DPP6: variants seen among roughly 807,000 people sequenced by gnomAD.
DPP6 encodes dipeptidyl peptidase like 6, also known as A-type potassium channel modulatory protein DPP6.
A neutral mutation model predicts 122.6 loss-of-function variants in DPP6; 69 were observed. The observed-to-expected ratio is 0.56, with a 90% CI of 0.46 to 0.69. DPP6 has a LOEUF of 0.69. Ranked by LOEUF, DPP6 falls within the 30% of genes least tolerant of loss-of-function variation. The pLI is 0.00. For missense variants in DPP6, 928 were observed against 1,116.9 expected (o/e 0.83, Z 2.41); for synonymous variants, 418 against 433.1 (o/e 0.97, Z 0.43).
At chr7:154,107,782 G>A (rs1361975889) in intron 1 of DPP6, among the ~76,000 whole-genome samples, 3 of 152,058 alleles carry the variant, frequency 2.0e-5, no homozygotes, top group East Asian at 1.9e-4. Flanking sequence ...GCCTTGCCTG[G>A]GGCCCAGAAG....
Position 154,794,170 on chromosome 7 carries a change from C to T in DPP6, c.1228C>T (p.Leu410Phe). The T allele has an allele frequency of 6.2e-7, 1 of 1,611,882 alleles. No individual in the cohort carries two copies. The highest frequency in any genetic ancestry group is 8.5e-7 in the Non-Finnish European group (1 of 1,179,000). ...NRAQNVSILT[L>F]CDATTGVCTK... ...GGCGCAGAACGTGTCCATCCTCACC[C>T]TCTGCGACGCCACCACGGGGGTCTG... is the stretch of plus-strand genomic sequence containing the variant. Residue 410 changes from leucine (L) to phenylalanine (F), a missense_variant, in exon 11 of 26, where the codon CTC (leucine) becomes TTC (phenylalanine). By Grantham distance (22) the Leu-to-Phe change is conservative. Coordinates refer to ENST00000377770, the MANE Select transcript of DPP6 (RefSeq NM_130797.4).
intron 1 of DPP6, among the ~76,000 whole-genome samples, chr7:154,376,920 G>A (rs568663599): frequency 1.3e-5 from 2 of 152,274 alleles, no homozygotes; most frequent in African/African-American, 2.4e-5. Flanking sequence ...TTTGGCTCTT[G>A]GAGAAAGTCA....
chr7:154,114,361 T>C (rs1806824671), intron 1 of DPP6, among the ~76,000 whole-genome samples: 1 of 152,114 alleles, frequency 6.6e-6, no homozygotes. Flanking sequence ...AAAAGGGGAA[T>C]AGCAGTGTCT....
rs1244631412 is a variant in DPP6, at chr7:154,604,262, G to A, written c.628-33559G>A. ...GCCATGTATGCACGATCCTTTTCTC[G>A]TCTTTCTCTTCTGTTCTATTTATCT... On this transcript the variant is annotated intron_variant, in intron 5 of 25. Transcript: ENST00000377770. Among the ~76,000 whole-genome samples, 5 of 118,984 alleles carry A rather than the reference G, an allele frequency of 4.2e-5. 2 individuals are homozygous for A. Among genetic ancestry groups the A allele is most frequent in the Admixed American group, 1.9e-4 (2 of 10,520 alleles). 78.1% of individuals were successfully genotyped at this position (118,984 alleles called of 152,430 possible).
intron 12 of DPP6, among the ~76,000 whole-genome samples, chr7:154,799,014 C>T (rs964924028): frequency 1.1e-4 from 17 of 152,208 alleles, no homozygotes; most frequent in African/African-American, 4.1e-4. Flanking sequence ...AGGCCACATG[C>T]CCTCTACCCA....
intron 1 of DPP6, among the ~76,000 whole-genome samples, chr7:153,986,267 T>C (rs1796845156): frequency 6.6e-6 from 1 of 152,208 alleles, no homozygotes; most frequent in African/African-American, 2.4e-5. Context: ...CATGCCATCA[T>C]GTCTTCCTTG....
intron 1 of DPP6, among the ~76,000 whole-genome samples, chr7:154,011,392 A>G (rs1476368836): frequency 2.6e-5 from 4 of 152,148 alleles, no homozygotes; most frequent in Admixed American, 2.0e-4. Context: ...TTGCACTAAC[A>G]CTCTGAGTGA....
intron 1 of DPP6, among the ~76,000 whole-genome samples, chr7:154,062,084 G>T (rs1305508111): frequency 2.8e-5 from 3 of 108,362 alleles, no homozygotes; most frequent in Non-Finnish European, 4.0e-5. Flanking sequence ...TGGCTCTTAG[G>T]ACCCCCATCG....
chr7:154,646,027 CAAAAAA>C (rs71184020), intron 6 of DPP6, among the ~76,000 whole-genome samples: 1 of 57,946 alleles, frequency 1.7e-5, no homozygotes, highest in East Asian at 6.1e-4. Flanking sequence ...GACTCCGTCT[CAAAAAA>C]AAAAAAAAAA....
chr7:154,653,376 G>T (rs1837006884), intron 6 of DPP6, among the ~76,000 whole-genome samples: 1 of 152,154 alleles, frequency 6.6e-6, no homozygotes, highest in East Asian at 1.9e-4. Context: ...TTGACAGATT[G>T]ATTGATAAAT....
chr7:154,571,138 G>C lies in DPP6; in HGVS notation c.627+4222G>C, dbSNP rs369930788. Among the ~76,000 whole-genome samples, 559 of 152,214 alleles carry C rather than the reference G, an allele frequency of 3.7e-3. 7 individuals carry two copies. The highest frequency in any genetic ancestry group is 0.013 in the African/African-American group (531 of 41,536). On this transcript the variant is annotated intron_variant, in intron 5 of 25. Coordinates refer to ENST00000377770, the MANE Select transcript of DPP6 (RefSeq NM_130797.4). ...TCTCTTGAAATTAAGTTAGACATTGGAGAAATAGCAATTTTTTATTTTTAA... is the reference window on the plus strand; with the variant it reads ...TCTCTTGAAATTAAGTTAGACATTGCAGAAATAGCAATTTTTTATTTTTAA...
At chr7:154,799,231 T>C (rs1285374552) in intron 12 of DPP6, among the ~76,000 whole-genome samples, 2 of 152,092 alleles carry the variant, frequency 1.3e-5, no homozygotes, top group Non-Finnish European at 2.9e-5. Context: ...CCTCCTCTCT[T>C]CTCTTCCCAA....
At chr7:154,306,577 A>G (rs1489188839) in intron 1 of DPP6, among the ~76,000 whole-genome samples, 1 of 152,210 alleles carries the variant, frequency 6.6e-6, no homozygotes, top group Non-Finnish European at 1.5e-5. Flanking sequence ...CTCCTTGAGG[A>G]CACTGTGTGA....
intron 6 of DPP6, among the ~76,000 whole-genome samples, chr7:154,657,737 A>C (rs1431904432): frequency 6.6e-6 from 1 of 151,602 alleles, no homozygotes; most frequent in African/African-American, 2.4e-5. Context: ...ACGTGGGAGG[A>C]GGTGCCCAGA....
At chr7:153,858,880 G>A in the DPP6 span, among the ~76,000 whole-genome samples, 3 of 152,290 alleles carry the variant, frequency 2.0e-5, no homozygotes, top group African/African-American at 7.2e-5. Context: ...GCAGCATCAC[G>A]CTGTCTTGTG....
the DPP6 span, among the ~76,000 whole-genome samples, chr7:153,810,634 C>A: frequency 2.6e-5 from 4 of 151,042 alleles, no homozygotes; most frequent in South Asian, 8.4e-4. Context: ...TGTTTTCTCT[C>A]CTAAATAATC....
intron 7 of DPP6, among the ~76,000 whole-genome samples, chr7:154,696,749 T>C (rs931316117): frequency 1.3e-5 from 2 of 152,222 alleles, no homozygotes; most frequent in African/African-American, 2.4e-5. Flanking sequence ...ACTCATACTA[T>C]GCGTGATGCC....
At chr7:154,409,075 G>A (rs1341772412) in intron 1 of DPP6, among the ~76,000 whole-genome samples, 1 of 152,098 alleles carries the variant, frequency 6.6e-6, no homozygotes, top group Admixed American at 6.5e-5. Context: ...GCCTGGGAGG[G>A]GGAGGTTGTG....
At chr7:154,401,810 A>G (rs1480710439) in intron 1 of DPP6, among the ~76,000 whole-genome samples, 1 of 152,230 alleles carries the variant, frequency 6.6e-6, no homozygotes, top group Non-Finnish European at 1.5e-5. Context: ...GTGAACAGGC[A>G]GCCTACAAAA....
Sources: gnomAD v4.1 joint callset for allele counts (sites outside exome capture counted in the v4.1 genomes callset) on GRCh38, gnomAD v4.1.1 for gene constraint, MANE v1.5 for transcripts, NCBI Gene and HGNC (gene_info 2026-07-23, HGNC 2026-07-21) for gene names.